Variants in LARGE1 observed in about 807,000 individuals in gnomAD.
LARGE1 encodes the protein xylosyl- and glucuronyltransferase LARGE1.
A neutral mutation model predicts 87.6 loss-of-function variants in LARGE1; 43 were observed. The observed-to-expected ratio is 0.49, with a 90% CI of 0.38 to 0.63. LARGE1 has a LOEUF of 0.63. LARGE1 is among the 30% of genes least tolerant of loss of function. LARGE1 has a pLI of 0.00. For synonymous variants in LARGE1, 434 were observed against 394.6 expected (o/e 1.10, Z -1.18); for missense variants, 802 against 1,000.2 (o/e 0.80, Z 2.67).
intron 11 of LARGE1, among the ~76,000 whole-genome samples, chr22:33,252,005 T>C (rs1927029786): frequency 6.6e-6 from 1 of 152,210 alleles, no homozygotes; most frequent in African/African-American, 2.4e-5. Flanking sequence ...TCTACTTAGC[T>C]GGCAAAAGCA....
intron 6 of LARGE1, among the ~76,000 whole-genome samples, chr22:33,545,077 G>A (rs191371654): frequency 2.0e-5 from 3 of 152,234 alleles, no homozygotes; most frequent in East Asian, 1.9e-4. Flanking sequence ...GTGTTATAGT[G>A]AAACATCAAA....
intron 11 of LARGE1, among the ~76,000 whole-genome samples, chr22:33,214,829 G>A (rs137454): frequency 0.043 from 6,524 of 152,254 alleles, 194 homozygotes; most frequent in Admixed American, 0.091. Flanking sequence ...TTGACTTTGC[G>A]ATGTGGCTTT....
the LARGE1 span, chr22:33,105,691 G>A: frequency 1.3e-4 from 20 of 152,220 alleles, no homozygotes; most frequent in African/African-American, 3.6e-4. Context: ...GCTGCTCCTT[G>A]TAAGAAACAT....
At chr22:33,158,676 C>T (rs894271480), downstream of LARGE1, among the ~76,000 whole-genome samples, 9 of 152,118 alleles carry the variant, frequency 5.9e-5, no homozygotes, top group Admixed American at 2.0e-4. Context: ...GAATTGAGCC[C>T]CACATGTTGA....
intron 9 of LARGE1, among the ~76,000 whole-genome samples, chr22:33,366,701 C>A (rs1429718523): frequency 6.6e-6 from 1 of 152,180 alleles, no homozygotes; most frequent in African/African-American, 2.4e-5. Context: ...ATTGTGAGGC[C>A]TCCCCAGCCC....
At chr22:33,275,690 G>C (rs1308064954) in intron 14 of LARGE1, among the ~76,000 whole-genome samples, 3 of 152,190 alleles carry the variant, frequency 2.0e-5, no homozygotes, top group African/African-American at 7.2e-5. Flanking sequence ...TTAAGAGTAT[G>C]TCTGGGACAT....
At chr22:33,750,199 G>A (rs1330678908) in intron 2 of LARGE1, among the ~76,000 whole-genome samples, 34 of 152,138 alleles carry the variant, frequency 2.2e-4, no homozygotes, top group Admixed American at 2.2e-3. Flanking sequence ...ATGACACAAG[G>A]ATCAACAAGG....
chr22:33,334,282 T>C (rs1488103856), intron 10 of LARGE1, among the ~76,000 whole-genome samples: 1 of 151,514 alleles, frequency 6.6e-6, no homozygotes, highest in African/African-American at 2.4e-5. Context: ...GGCATGGTGG[T>C]GTGCACCTGT....
intron 10 of LARGE1, among the ~76,000 whole-genome samples, chr22:33,325,020 T>C (rs1162043118): frequency 1.3e-5 from 2 of 152,196 alleles, no homozygotes; most frequent in African/African-American, 2.4e-5. Flanking sequence ...ACATCCATCA[T>C]CTGAAAGGTT....
At chr22:33,190,877 A>G (rs1305985652) in intron 11 of LARGE1, among the ~76,000 whole-genome samples, 3 of 152,210 alleles carry the variant, frequency 2.0e-5, no homozygotes, top group East Asian at 3.8e-4. Context: ...GCTCAACTTA[A>G]GCATCTTGTA....
chr22:33,435,510 G>A lies in LARGE1; in HGVS notation c.788-3245C>T, dbSNP rs118078600. Among the ~76,000 whole-genome samples the A allele has an allele frequency of 3.3e-5, 5 of 152,160 alleles. No homozygotes were observed. The East Asian group carries it at 9.7e-4, about 29-fold the overall frequency. ...TCTAGTGGGTTAACCTTCCTGATCG[G>A]GTGTGTGTTAGTGTCCTCATAAATC... is the stretch of plus-strand genomic sequence containing the variant. On this transcript the variant is annotated intron_variant, in intron 6 of 14. Transcript: ENST00000397394.
At chr22:33,894,938 C>T (rs1466040644) in intron 1 of LARGE1, among the ~76,000 whole-genome samples, 1 of 152,114 alleles carries the variant, frequency 6.6e-6, no homozygotes, top group Non-Finnish European at 1.5e-5. Flanking sequence ...AAGTGGAATG[C>T]CTGGGACAGT....
At chr22:33,551,359 G>A (rs540505663) in intron 6 of LARGE1, among the ~76,000 whole-genome samples, 1 of 152,162 alleles carries the variant, frequency 6.6e-6, no homozygotes, top group Non-Finnish European at 1.5e-5. Context: ...GACCCTACAG[G>A]TAATTCCAGT....
intron 1 of LARGE1, among the ~76,000 whole-genome samples, chr22:33,842,601 A>T (rs529827931): frequency 1.3e-5 from 2 of 152,208 alleles, no homozygotes; most frequent in African/African-American, 4.8e-5. Context: ...TGACGCGTGC[A>T]GGTGTCACGA....
chr22:33,427,605 G>T (rs1027656567), intron 7 of LARGE1, among the ~76,000 whole-genome samples: 1 of 152,254 alleles, frequency 6.6e-6, no homozygotes, highest in South Asian at 2.1e-4. Flanking sequence ...GTCAATGAAT[G>T]AATGTGTAGT....
chr22:33,704,106 C>T (rs2082483251), intron 2 of LARGE1, among the ~76,000 whole-genome samples: 1 of 152,138 alleles, frequency 6.6e-6, no homozygotes, highest in South Asian at 2.1e-4. Flanking sequence ...TAGGAATGAC[C>T]ACATGTCTAA....
intron 1 of LARGE1, among the ~76,000 whole-genome samples, chr22:33,842,110 G>A (rs1234765358): frequency 6.6e-6 from 1 of 152,158 alleles, no homozygotes; most frequent in African/African-American, 2.4e-5. Context: ...GTTCTAAATG[G>A]TTCCTTACCA....
At chr22:33,464,542 C>CA (rs1569186797) in intron 6 of LARGE1, among the ~76,000 whole-genome samples, 1 of 151,350 alleles carries the variant, frequency 6.6e-6, no homozygotes, top group African/African-American at 2.4e-5. Flanking sequence ...AGATGAGCAA[C>CA]AAAAAAAATG....
intron 11 of LARGE1, among the ~76,000 whole-genome samples, chr22:33,204,650 A>G (rs1484797941): frequency 6.6e-6 from 1 of 152,126 alleles, no homozygotes; most frequent in Non-Finnish European, 1.5e-5. Context: ...TGCTGGGAGT[A>G]TGTTTGAATC....
Sources: gnomAD v4.1 joint callset for allele counts (sites outside exome capture counted in the v4.1 genomes callset) on GRCh38, gnomAD v4.1.1 for gene constraint, MANE v1.5 for transcripts, NCBI Gene and HGNC (gene_info 2026-07-23, HGNC 2026-07-21) for gene names.